The following NRG1 variants were observed in gnomAD, a reference collection of about 807,000 sequenced individuals.
NRG1 encodes the protein pro-neuregulin-1, membrane-bound isoform.
In NRG1, 18 loss-of-function variants were observed where a neutral mutation model predicts 63.8. The observed-to-expected ratio is 0.28, with a 90% CI of 0.19 to 0.42. The LOEUF (loss-of-function observed/expected upper bound fraction) is 0.42. Ranked by LOEUF, NRG1 falls within the 10% of genes least tolerant of loss-of-function variation. The pLI, the probability that NRG1 is intolerant of heterozygous loss-of-function variation, is 1.00. For synonymous variants in NRG1, 302 were observed against 301.3 expected, an observed-to-expected ratio of 1.00 and a Z score of -0.02; for missense variants, 762 against 814.7, an observed-to-expected ratio of 0.94 and a Z score of 0.79.
chr8:32,347,895 A>G (rs1288552093), intron 1 of NRG1, among the ~76,000 whole-genome samples: 1 of 152,226 alleles, frequency 6.6e-6, no homozygotes, highest in African/African-American at 2.4e-5. Context: ...TTGAAACTCA[A>G]TGTTCATGAA....
At chr8:32,534,543 A>C (rs1194937849) in intron 1 of NRG1, among the ~76,000 whole-genome samples, 2 of 152,184 alleles carry the variant, frequency 1.3e-5, no homozygotes, top group African/African-American at 2.4e-5. Context: ...CAAAACATGG[A>C]AAGTGTGATT....
Position 32,400,911 on chromosome 8 carries a change from A to G in NRG1, c.38-194917A>G, listed in dbSNP as rs773346639. Among the ~76,000 whole-genome samples, 48 of 152,226 alleles carry G rather than the reference A, an allele frequency of 3.2e-4. 1 individual carries two copies. Among genetic ancestry groups the G allele is most frequent in the Admixed American group, 2.4e-3 (37 of 15,282 alleles). On this transcript the variant is annotated intron_variant, in intron 1 of 10. Transcript: ENST00000519301. ...CAGCCTAAATGCCCATCAACAGTAG[A>G]TTGAATAAAGAAAATGTGGTACATA...
chr8:31,661,900 C>T (rs1451641922), intron 1 of NRG1, among the ~76,000 whole-genome samples: 10 of 152,164 alleles, frequency 6.6e-5, no homozygotes, highest in African/African-American at 9.7e-5. Flanking sequence ...ACAAAGACCT[C>T]GCCAATATGG....
chr8:32,003,913 A>T (rs1035262723), intron 1 of NRG1, among the ~76,000 whole-genome samples: 8 of 151,804 alleles, frequency 5.3e-5, no homozygotes, highest in Middle Eastern at 3.2e-3. Flanking sequence ...TAAACCTGGG[A>T]ATTTATATTT....
chr8:32,277,088 A>G (rs938722170), intron 1 of NRG1, among the ~76,000 whole-genome samples: 1 of 152,206 alleles, frequency 6.6e-6, no homozygotes, highest in African/African-American at 2.4e-5. Context: ...ATTTCTATCC[A>G]TGATGCACAT....
chr8:32,666,277 A>G (rs941362164), intron 5 of NRG1, among the ~76,000 whole-genome samples: 1 of 152,184 alleles, frequency 6.6e-6, no homozygotes, highest in African/African-American at 2.4e-5. Flanking sequence ...GTGGGAATGT[A>G]GGCAGAAATC....
At chr8:31,786,626 TC>T (rs1209226930) in intron 1 of NRG1, among the ~76,000 whole-genome samples, 1 of 152,148 alleles carries the variant, frequency 6.6e-6, no homozygotes, top group Non-Finnish European at 1.5e-5. Flanking sequence ...TCCCTCAACT[TC>T]CCCCTTGGGT....
intron 1 of NRG1, among the ~76,000 whole-genome samples, chr8:32,305,706 G>A (rs1856118036): frequency 6.6e-6 from 1 of 152,204 alleles, no homozygotes; most frequent in South Asian, 2.1e-4. Context: ...GTAGGGACAA[G>A]CTTTATAGTC....
intron 1 of NRG1, among the ~76,000 whole-genome samples, chr8:32,447,848 CAAAA>C (rs35074926): frequency 1.6e-5 from 2 of 125,358 alleles, no homozygotes; most frequent in Admixed American, 7.6e-5. Flanking sequence ...AACCCTGTGT[CAAAA>C]AAAAAAAAAA....
intron 5 of NRG1, among the ~76,000 whole-genome samples, chr8:32,620,667 T>A (rs1054281593): frequency 6.6e-6 from 1 of 150,930 alleles, no homozygotes; most frequent in African/African-American, 2.4e-5. Context: ...TATAAAAAAA[T>A]AAAGAAATTA....
intron 1 of NRG1, among the ~76,000 whole-genome samples, chr8:32,490,098 G>A (rs1826370980): frequency 6.6e-6 from 1 of 152,144 alleles, no homozygotes; most frequent in Admixed American, 6.6e-5. Flanking sequence ...GAGCTTAGGA[G>A]TTTGAGACTA....
intron 1 of NRG1, among the ~76,000 whole-genome samples, chr8:31,678,082 T>C (rs1192034580): frequency 6.0e-5 from 6 of 100,180 alleles, no homozygotes; most frequent in South Asian, 7.5e-4. Context: ...AAAACCCTTT[T>C]AACTTGTTAT....
chr8:32,253,928 G>T (rs887030688), intron 1 of NRG1, among the ~76,000 whole-genome samples: 1 of 152,178 alleles, frequency 6.6e-6, no homozygotes, highest in East Asian at 1.9e-4. Context: ...GAGGGTGTAT[G>T]TGTCTAGGAG....
chr8:31,786,190 G>C lies in NRG1; in HGVS notation c.37+146759G>C, dbSNP rs558745665. Reference sequence around the variant, plus strand: ...TGCTTTCTGCAAAGAATTGAGTTTCGATTCTGACTTAAGAGACATAAACAA... The same window carrying C: ...TGCTTTCTGCAAAGAATTGAGTTTCCATTCTGACTTAAGAGACATAAACAA... On this transcript the variant is annotated intron_variant, in intron 1 of 10. Coordinates refer to the NRG1 transcript ENST00000519301. Among the ~76,000 whole-genome samples the C allele has an allele frequency of 7.2e-5, 11 of 152,266 alleles. No individual in the cohort carries two copies. In the East Asian group the frequency reaches 2.1e-3, roughly 29 times the overall value.
chr8:32,509,068 TC>T (rs549191816), intron 1 of NRG1, among the ~76,000 whole-genome samples: 2 of 124,368 alleles, frequency 1.6e-5, no homozygotes, highest in African/African-American at 6.3e-5. Context: ...GTTTCTTTTT[TC>T]TTTTCCTATT....
intron 5 of NRG1, among the ~76,000 whole-genome samples, chr8:32,709,945 A>G (rs1817402318): frequency 6.6e-6 from 1 of 152,174 alleles, no homozygotes; most frequent in African/African-American, 2.4e-5. Context: ...AAACACTTTA[A>G]ATATGTCTGC....
At chr8:32,432,386 T>A (rs909983576) in intron 1 of NRG1, among the ~76,000 whole-genome samples, 2 of 152,160 alleles carry the variant, frequency 1.3e-5, no homozygotes, top group Non-Finnish European at 2.9e-5. Context: ...AAAAAAGAAA[T>A]CTGAACCTAA....
intron 1 of NRG1, among the ~76,000 whole-genome samples, chr8:31,885,434 T>A (rs1362946105): frequency 6.6e-6 from 1 of 152,192 alleles, no homozygotes; most frequent in African/African-American, 2.4e-5. Flanking sequence ...AAAAAAAATG[T>A]CCACTTCCCA....
At chr8:32,151,084 G>C (rs1296893931) in intron 1 of NRG1, among the ~76,000 whole-genome samples, 2 of 152,030 alleles carry the variant, frequency 1.3e-5, no homozygotes, top group Non-Finnish European at 2.9e-5. Flanking sequence ...TCTATGAAAT[G>C]GAATGTATAT....
Sources: gnomAD v4.1 joint callset for allele counts (sites outside exome capture counted in the v4.1 genomes callset) on GRCh38, gnomAD v4.1.1 for gene constraint, MANE v1.5 for transcripts, NCBI Gene and HGNC (gene_info 2026-07-23, HGNC 2026-07-21) for gene names.